Variants in ZC3HC1 observed in about 807,000 individuals in gnomAD.
ZC3HC1 encodes zinc finger C3HC-type protein 1.
Under a neutral mutation model 61.9 loss-of-function variants are expected in ZC3HC1, and 38 were observed. The observed-to-expected ratio is 0.61, with a 90% CI of 0.47 to 0.81. The LOEUF (loss-of-function observed/expected upper bound fraction) is 0.81, where lower values mean the gene tolerates loss of function less well. ZC3HC1 is among the 30% of genes least tolerant of loss of function. The pLI, the probability that ZC3HC1 is intolerant of heterozygous loss-of-function variation, is 0.00. For synonymous variants in ZC3HC1, 213 were observed against 229.9 expected, an observed-to-expected ratio of 0.93 and a Z score of 0.67; for missense variants, 554 against 622.7, an observed-to-expected ratio of 0.89 and a Z score of 1.17.
Position 130,023,578 on chromosome 7 carries a change from C to G in ZC3HC1, c.1166G>C (p.Gly389Ala). The change falls in exon 8 of 10, where the codon GGC becomes GCC. Residue 389 changes from glycine (G) to alanine (A), a missense_variant. By Grantham distance (60) the Gly-to-Ala change is moderately conservative. Coordinates refer to ENST00000358303, the MANE Select transcript of ZC3HC1 (RefSeq NM_016478.5). This position sits in a 1 kb window ranked among gnomAD's most constrained non-coding sequence, Gnocchi z 4.2. ...CAGAGGGCTAGATGGTACCTCCAGG[C>G]CAGGGGTGTCTCCTGTTCCCATGCT... ...TRSMGTGDTP[G>A]LEVPSSPLRK... is the part of the protein sequence containing the mutation. 6.2e-7 allele frequency: 1 copy of G among 1,614,110 alleles called. No homozygotes were observed. Among genetic ancestry groups the G allele is most frequent in the East Asian group, 2.2e-5 (1 of 44,884 alleles).
At chr7:130,033,045 G>A (rs371843819) in intron 4 of ZC3HC1, among the ~76,000 whole-genome samples, 5 of 152,046 alleles carry the variant, frequency 3.3e-5, no homozygotes, top group Admixed American at 6.6e-5. Flanking sequence ...AGGTCAGTCC[G>A]GGCAATAGAG....
chr7:130,032,695 AAGG>A (rs1162615674), intron 4 of ZC3HC1, among the ~76,000 whole-genome samples: 1 of 125,244 alleles, frequency 8.0e-6, no homozygotes, highest in African/African-American at 3.0e-5. Flanking sequence ...GGAAGGAAGG[AAGG>A]AAGGAAGGAA....
chr7:130,026,886 C>A (rs979578810), intron 5 of ZC3HC1: 1 of 148,286 alleles, frequency 6.7e-6, no homozygotes, highest in East Asian at 2.0e-4. Flanking sequence ...AGGAGAATAG[C>A]GTGAACCTGG....
chr7:130,049,604 G>A (rs1284781085), intron 1 of ZC3HC1, among the ~76,000 whole-genome samples: 5 of 151,762 alleles, frequency 3.3e-5, no homozygotes, highest in Non-Finnish European at 5.9e-5. Flanking sequence ...GAGTGCAACG[G>A]TGCGATCTCG....
At chr7:130,036,698 A>C (rs1378423762) in intron 4 of ZC3HC1, 2 of 152,254 alleles carry the variant, frequency 1.3e-5, no homozygotes, top group Non-Finnish European at 2.9e-5. Context: ...AAAGTGAAAT[A>C]ACTGAGTGTT....
At chr7:130,019,813 T>TG (rs1464008684) in intron 9 of ZC3HC1, among the ~76,000 whole-genome samples, 2 of 138,280 alleles carry the variant, frequency 1.4e-5, no homozygotes, top group Non-Finnish European at 3.2e-5. Context: ...TCACAGGTTT[T>TG]TTTTTTTTTT....
chr7:130,022,637 G>A, intron 8 of ZC3HC1, 112 bp from the exon 9 acceptor site: 1 of 1,114,668 alleles, frequency 9.0e-7, no homozygotes, highest in South Asian at 1.4e-5. Flanking sequence ...TACTTCGAGT[G>A]TTTATGCTCT....
intron 4 of ZC3HC1, among the ~76,000 whole-genome samples, chr7:130,031,553 T>A (rs758126724): frequency 8.3e-4 from 127 of 152,290 alleles, no homozygotes; most frequent in Non-Finnish European, 1.8e-4. Context: ...GGCAACTGTT[T>A]AACATCACAG....
chr7:130,030,230 T>C (rs571437606), intron 4 of ZC3HC1, among the ~76,000 whole-genome samples: 1 of 147,692 alleles, frequency 6.8e-6, no homozygotes, highest in African/African-American at 2.5e-5. Flanking sequence ...ACAGAGTTTT[T>C]GCTCTGTCGC....
At chr7:130,047,644 C>T (rs1168224797) in intron 2 of ZC3HC1, among the ~76,000 whole-genome samples, 1 of 147,484 alleles carries the variant, frequency 6.8e-6, no homozygotes, top group African/African-American at 2.6e-5. Context: ...TGTCTACACA[C>T]ACACACACAC....
chr7:130,039,816 G>A (rs982959043), intron 3 of ZC3HC1, among the ~76,000 whole-genome samples: 5 of 151,822 alleles, frequency 3.3e-5, no homozygotes, highest in Non-Finnish European at 7.4e-5. Context: ...GTGTAGTGGT[G>A]CAATCTCGGC....
intron 6 of ZC3HC1, 134 bp from the exon 7 acceptor site, chr7:130,024,640 C>T: frequency 9.8e-7 from 1 of 1,020,050 alleles, no homozygotes; most frequent in Non-Finnish European, 1.4e-6. Flanking sequence ...CCTCTGTGCT[C>T]CAGTCTCAGG....
At chr7:130,049,244 G>C (rs1361036063) in intron 1 of ZC3HC1, 100 bp from the exon 2 acceptor site, 7 of 780,676 alleles carry the variant, frequency 9.0e-6, no homozygotes, top group Non-Finnish European at 1.1e-5. Context: ...TCACACCAAC[G>C]CTGGATTTTA....
chr7:130,026,017 A>T, intron 6 of ZC3HC1, 141 bp downstream of exon 6: 1 of 937,418 alleles, frequency 1.1e-6, no homozygotes, highest in Non-Finnish European at 1.5e-6. Context: ...TTCTCCTCGC[A>T]CCATCCCCCA....
At chr7:130,032,104 A>T (rs1794224641) in intron 4 of ZC3HC1, among the ~76,000 whole-genome samples, 1 of 151,978 alleles carries the variant, frequency 6.6e-6, no homozygotes, top group African/African-American at 2.4e-5. Flanking sequence ...GGTGCCTGTA[A>T]TCCTAGCTAC....
At chr7:130,038,547 T>TA (rs1308763067) in intron 4 of ZC3HC1, among the ~76,000 whole-genome samples, 2 of 152,092 alleles carry the variant, frequency 1.3e-5, no homozygotes, top group East Asian at 3.9e-4. Flanking sequence ...CTCTGATTCT[T>TA]AGTTTCCTCA....
chr7:130,019,253 G>T (rs1357121409), intron 9 of ZC3HC1, among the ~76,000 whole-genome samples: 1 of 152,030 alleles, frequency 6.6e-6, no homozygotes, highest in Admixed American at 6.5e-5. Context: ...GTCTCACCGT[G>T]TTAGCCAGGA....
In ZC3HC1 at chr7:130,024,477, AG is replaced by A; in HGVS notation, c.805del (p.Leu269Ter). ...CCTCATACATTGCGAACATGTTATCAGGGAGAGCTGCATGGATTCCAAAGAG... is the reference window on the plus strand; with the variant it reads ...CCTCATACATTGCGAACATGTTATCAGGAGAGCTGCATGGATTCCAAAGAG... ...SSSLESMQLS[L>X]ITCSQCMRKV... On this transcript the variant is annotated frameshift_variant, in exon 7 of 10. Coordinates refer to ENST00000358303, the MANE Select transcript of ZC3HC1 (RefSeq NM_016478.5). LOFTEE classifies it high-confidence loss of function. The A allele has an allele frequency of 6.2e-7, 1 of 1,613,274 alleles. No homozygotes were observed. Among genetic ancestry groups the A allele is most frequent in the Non-Finnish European group, 8.5e-7 (1 of 1,179,636 alleles).
chr7:130,039,907 A>C, intron 3 of ZC3HC1, among the ~76,000 whole-genome samples: 1 of 151,544 alleles, frequency 6.6e-6, no homozygotes, highest in East Asian at 2.0e-4. Context: ...TTTAGTAGAA[A>C]TGGGGTTTCA....
Sources: allele counts gnomAD v4.1 joint callset (sites outside exome capture counted in the v4.1 genomes callset), GRCh38; gene constraint gnomAD v4.1.1; non-coding constraint Gnocchi (gnomAD v3.1); transcripts MANE v1.5; gene names NCBI Gene and HGNC (gene_info 2026-07-23, HGNC 2026-07-21).